CLASP2: variants seen among roughly 807,000 people sequenced by gnomAD.
CLASP2 encodes the protein CLIP-associating protein 2.
A neutral mutation model predicts 194.4 loss-of-function variants in CLASP2; 47 were observed. That is an observed-to-expected ratio of 0.24 (90% CI 0.19 to 0.31). CLASP2 has a LOEUF of 0.31. Among genes scored for constraint, CLASP2 ranks in the 10% least tolerant of loss-of-function variants. CLASP2 has a pLI of 1.00. For missense variants in CLASP2, 1,445 were observed against 1,823.6 expected, an observed-to-expected ratio of 0.79 and a Z score of 3.78; for synonymous variants, 619 against 633.5, an observed-to-expected ratio of 0.98 and a Z score of 0.34.
rs1461364338 is a variant in CLASP2, at chr3:33,496,810, GTAA to G, written c.*1818_*1820del. The G allele has an allele frequency of 6.6e-5, 10 of 152,354 alleles. No individual in the cohort carries two copies. The highest frequency in any genetic ancestry group is 3.3e-4 in the Admixed American group (5 of 15,306). 9.4% of individuals were successfully genotyped at this position (152,354 alleles called of 1,614,324 possible). A position where few individuals can be genotyped will look rare whatever the true frequency, so the allele number is the denominator to read the frequency against. ...TGCATTTTCTTCTTACAGATAAGCT[GTAA>G]TATATACATGCGTATGTAGCTATAT... On this transcript the variant is annotated 3_prime_UTR_variant, in exon 39 of 39. Coordinates refer to ENST00000682230, the MANE Select transcript of CLASP2 (RefSeq NM_001365631.1).
In CLASP2 at chr3:33,608,614, T is replaced by C. The variant is rs757574110; in HGVS notation, c.1401A>G (p.Glu467=). ...KSVPVRRRSF[E]FLDLLLQEWQ... ...ACTCTTGCAACAATAAATCTAAAAA[T>C]TCAAATGAACGTCTGAAAAATAAAA... The change falls in exon 14 of 39, where the codon GAA becomes GAG. Residue 467 remains glutamate, a synonymous_variant. Coordinates refer to ENST00000682230, the MANE Select transcript of CLASP2 (RefSeq NM_001365631.1). 2.1e-5 allele frequency: 34 copies of C among 1,609,514 alleles called. No individual in the cohort carries two copies. In the South Asian group the frequency reaches 3.4e-4, roughly 16 times the overall value.
At chr3:33,688,022 G>T (rs1277276679) in intron 4 of CLASP2, among the ~76,000 whole-genome samples, 1 of 152,140 alleles carries the variant, frequency 6.6e-6, no homozygotes, top group Non-Finnish European at 1.5e-5. Flanking sequence ...TCAGTTCCAT[G>T]ACCATCTGTT....
intron 29 of CLASP2, among the ~76,000 whole-genome samples, chr3:33,556,909 T>A (rs2061040534): frequency 1.3e-5 from 2 of 152,188 alleles, no homozygotes; most frequent in African/African-American, 4.8e-5. Context: ...CAATCTTCGC[T>A]TTGTCTTTCT....
chr3:33,551,389 C>T lies in CLASP2; in HGVS notation c.3016G>A (p.Val1006Ile). Residue 1006 changes from valine (V) to isoleucine (I), a missense_variant, in exon 30 of 39, where the codon GTT (valine) becomes ATT (isoleucine). Transcript: ENST00000682230. ...GTTTCTATGTATTTAAGGATAGCAA[C>T]CTTCACCTGCAGAGGAAAGCACAAA... ...QTQTPSLKVKVAILKYIETLA... is the reference protein window; with the variant it reads ...QTQTPSLKVKIAILKYIETLA... 4 of 1,612,764 alleles carry T rather than the reference C, an allele frequency of 2.5e-6. No homozygotes were observed. The highest frequency in any genetic ancestry group is 2.2e-5 in the South Asian group (2 of 90,860).
intron 29 of CLASP2, among the ~76,000 whole-genome samples, chr3:33,552,004 A>G (rs891614463): frequency 4.6e-5 from 7 of 151,228 alleles, no homozygotes; most frequent in African/African-American, 1.7e-4. Flanking sequence ...TAATGAGTCC[A>G]CCAGTTGTTA....
intron 34 of CLASP2, among the ~76,000 whole-genome samples, chr3:33,529,443 C>A (rs1249459415): frequency 6.6e-6 from 1 of 152,072 alleles, no homozygotes; most frequent in African/African-American, 2.4e-5. Flanking sequence ...ATACAGTAAC[C>A]AAAACAGCAT....
chr3:33,596,803 C>A, intron 18 of CLASP2, 69 bp from the exon 19 acceptor site: 3 of 1,243,570 alleles, frequency 2.4e-6, no homozygotes, highest in Admixed American at 2.2e-5. Flanking sequence ...TTTTATAATT[C>A]CTAGAAAACA....
At chr3:33,500,598 T>C (rs1373532124) in intron 38 of CLASP2, among the ~76,000 whole-genome samples, 1 of 152,198 alleles carries the variant, frequency 6.6e-6, no homozygotes, top group Non-Finnish European at 1.5e-5. Context: ...CATGGTTTTA[T>C]CTGAATGCAT....
intron 32 of CLASP2, among the ~76,000 whole-genome samples, chr3:33,539,915 A>G (rs1486435798): frequency 1.3e-5 from 1 of 79,056 alleles, no homozygotes; most frequent in Non-Finnish European, 2.3e-5. Context: ...AATACTGAAT[A>G]TAATTTTTTT....
At position 33,673,006 on chromosome 3, in the gene CLASP2, G is replaced by A. The variant is rs1278588444; in HGVS notation, c.645-9491C>T. Among the ~76,000 whole-genome samples the A allele has an allele frequency of 2.0e-5, 3 of 152,270 alleles. No homozygotes were observed. In the East Asian group the frequency reaches 5.8e-4, roughly 29 times the overall value. ...GTGACGGGGAGAATGGAACCAAGTT[G>A]GAAAACACTCTGCAGGATATTATCC... On this transcript the variant is annotated intron_variant, in intron 6 of 38. Transcript: ENST00000682230.
chr3:33,601,353 T>G (rs2072146155), intron 18 of CLASP2, among the ~76,000 whole-genome samples: 1 of 152,208 alleles, frequency 6.6e-6, no homozygotes. Context: ...ATTTGTTTGA[T>G]TATAGCTAAG....
intron 6 of CLASP2, among the ~76,000 whole-genome samples, chr3:33,667,425 A>AAAAAAAAAAAAAAAAAAAAC (rs2086393517): frequency 6.6e-6 from 1 of 151,056 alleles, no homozygotes; most frequent in Non-Finnish European, 1.5e-5. Context: ...AAAAAAAAAA[A>AAAAAAAAAAAAAAAAAAAAC]AAAGACATTT....
intron 3 of CLASP2, 23 bp from the exon 4 acceptor site, chr3:33,688,391 CG>C: frequency 6.6e-7 from 1 of 1,511,644 alleles, no homozygotes; most frequent in Non-Finnish European, 8.9e-7. Context: ...AAAGTAAAAA[CG>C]TATAACAAAA....
At chr3:33,592,656 T>C in intron 20 of CLASP2, 160 bp from the exon 21 acceptor site, 1 of 572,474 alleles carries the variant, frequency 1.7e-6, no homozygotes, top group Non-Finnish European at 3.1e-6. Context: ...TAAACAGTAA[T>C]TTTTTTTTTA....
At chr3:33,666,998 C>T (rs1307435940) in intron 6 of CLASP2, among the ~76,000 whole-genome samples, 2 of 152,108 alleles carry the variant, frequency 1.3e-5, no homozygotes, top group Non-Finnish European at 2.9e-5. Context: ...CTATTGCCAT[C>T]TGTATATTCT....
chr3:33,539,937 G>C (rs968071513), intron 32 of CLASP2, among the ~76,000 whole-genome samples: 37 of 143,758 alleles, frequency 2.6e-4, no homozygotes, highest in African/African-American at 9.6e-4. Flanking sequence ...TTTTTTTTGA[G>C]ATGGAGTTTC....
intron 18 of CLASP2, among the ~76,000 whole-genome samples, chr3:33,599,008 T>C (rs996309271): frequency 3.3e-5 from 5 of 152,214 alleles, no homozygotes; most frequent in African/African-American, 1.2e-4. Flanking sequence ...TAAGAAGGAA[T>C]GCTCTGAGTT....
intron 1 of CLASP2, among the ~76,000 whole-genome samples, chr3:33,717,296 C>T (rs1253618657): frequency 6.6e-6 from 1 of 152,142 alleles, no homozygotes; most frequent in Admixed American, 6.5e-5. Context: ...CGCAACGTGT[C>T]ACGGAATCGC....
intron 9 of CLASP2, among the ~76,000 whole-genome samples, chr3:33,630,254 A>G (rs1378659366): frequency 6.6e-6 from 1 of 152,202 alleles, no homozygotes; most frequent in African/African-American, 2.4e-5. Flanking sequence ...AACCCTCGGC[A>G]TATGTACGAA....
Sources: gnomAD v4.1 joint callset for allele counts (sites outside exome capture counted in the v4.1 genomes callset) on GRCh38, gnomAD v4.1.1 for gene constraint, MANE v1.5 for transcripts, NCBI Gene and HGNC (gene_info 2026-07-23, HGNC 2026-07-21) for gene names.